The following LRPPRC variants were observed in gnomAD, a reference collection of about 807,000 sequenced individuals.
LRPPRC encodes the protein leucine rich pentatricopeptide repeat containing, also known as leucine-rich PPR motif-containing protein, mitochondrial.
Under a neutral mutation model 180.3 loss-of-function variants are expected in LRPPRC, and 120 were observed. The ratio of observed to expected loss-of-function variants is 0.67; its 90% CI spans 0.57 to 0.77. The LOEUF (loss-of-function observed/expected upper bound fraction) is 0.77, where lower values mean the gene tolerates loss of function less well. LRPPRC is among the 30% of genes least tolerant of loss of function. The pLI is 0.00. For synonymous variants in LRPPRC, 723 were observed against 600.0 expected (o/e 1.21, Z -3.00); for missense variants, 2,012 against 1,657.2 (o/e 1.21, Z -3.72).
At chr2:43,975,419 A>G (rs1436230334) in intron 6 of LRPPRC, among the ~76,000 whole-genome samples, 8 of 152,192 alleles carry the variant, frequency 5.3e-5, no homozygotes, top group Middle Eastern at 3.2e-3. Context: ...CCATTAAAAA[A>G]TAATAATAAT....
chr2:43,946,009 A>C, intron 21 of LRPPRC, 104 bp downstream of exon 21: 1 of 1,237,016 alleles, frequency 8.1e-7, no homozygotes, highest in South Asian at 1.3e-5. Context: ...AAGAATTTTT[A>C]AAAATGACAT....
rs76960115 is a variant in LRPPRC, at chr2:43,939,616, A to G, written c.2504+4071T>C. On this transcript the variant is annotated intron_variant, in intron 23 of 37. Coordinates refer to ENST00000260665, the MANE Select transcript of LRPPRC (RefSeq NM_133259.4). ...AAGAGAAACCATCATCTTCACAAAA[A>G]TTATTCTGTTAAGAGAACCAGCACT... Among the ~76,000 whole-genome samples the G allele has an allele frequency of 5.0e-3, 755 of 152,348 alleles. 13 individuals carry two copies. The highest frequency in any genetic ancestry group is 0.017 in the African/African-American group (718 of 41,590).
chr2:43,959,044 G>A (rs1267375130), intron 13 of LRPPRC: 2 of 543,926 alleles, frequency 3.7e-6, no homozygotes, highest in East Asian at 2.9e-5. Flanking sequence ...TATGAAGGCT[G>A]CTGACAAAAA....
intron 27 of LRPPRC, among the ~76,000 whole-genome samples, chr2:43,923,666 C>G (rs1671776082): frequency 6.6e-6 from 1 of 151,796 alleles, no homozygotes; most frequent in Non-Finnish European, 1.5e-5. Flanking sequence ...TCTGCAGTGC[C>G]TACCACAATG....
chr2:43,897,776 A>G (rs1670737816), intron 34 of LRPPRC, among the ~76,000 whole-genome samples: 1 of 152,140 alleles, frequency 6.6e-6, no homozygotes, highest in Admixed American at 6.5e-5. Flanking sequence ...GCGGCTGTCA[A>G]TTGTGCTCTT....
intron 1 of LRPPRC, among the ~76,000 whole-genome samples, chr2:43,982,915 G>C (rs1411666519): frequency 4.7e-5 from 7 of 149,662 alleles, no homozygotes; most frequent in African/African-American, 7.5e-5. Flanking sequence ...CCAATGTCCA[G>C]GCTAAAACGA....
At chr2:43,989,486 C>T (rs941534481) in intron 1 of LRPPRC, among the ~76,000 whole-genome samples, 11 of 152,198 alleles carry the variant, frequency 7.2e-5, no homozygotes, top group Non-Finnish European at 1.6e-4. Flanking sequence ...GTGACATGGA[C>T]ACTCTTCAGA....
chr2:43,891,592 CAAACTTGAG>C (rs1670494722), intron 36 of LRPPRC, among the ~76,000 whole-genome samples: 1 of 152,160 alleles, frequency 6.6e-6, no homozygotes, highest in Admixed American at 6.5e-5. Flanking sequence ...TGGAAGATGG[CAAACTTGAG>C]AAACGTGTTC....
intron 8 of LRPPRC, 139 bp downstream of exon 8, chr2:43,974,475 T>G: frequency 1.2e-6 from 1 of 803,558 alleles, no homozygotes. Flanking sequence ...ACTCATGTTT[T>G]TGGGCTTATT....
At chr2:43,934,364 A>G in intron 24 of LRPPRC, 68 bp from the exon 25 acceptor site, 1 of 732,220 alleles carries the variant, frequency 1.4e-6, no homozygotes, top group Non-Finnish European at 2.3e-6. Context: ...TATCATATGA[A>G]GTTCCAGACA....
At chr2:43,973,517 T>G in intron 11 of LRPPRC, 90 bp downstream of exon 11, 1 of 829,458 alleles carries the variant, frequency 1.2e-6, no homozygotes, top group South Asian at 1.4e-5. Context: ...GGAATAAGTA[T>G]GCTTTTCCAA....
intron 29 of LRPPRC, among the ~76,000 whole-genome samples, chr2:43,916,777 G>C (rs1671484061): frequency 6.6e-6 from 1 of 151,476 alleles, no homozygotes; most frequent in Non-Finnish European, 1.5e-5. Flanking sequence ...AACATAGCGA[G>C]ACCTTGTCAC....
intron 23 of LRPPRC, among the ~76,000 whole-genome samples, chr2:43,935,807 T>C (rs1672254609): frequency 6.6e-6 from 1 of 152,172 alleles, no homozygotes; most frequent in South Asian, 2.1e-4. Flanking sequence ...AATGTTAGTA[T>C]GAGAAATATT....
At chr2:43,898,124 G>T (rs1365959089) in intron 34 of LRPPRC, among the ~76,000 whole-genome samples, 1 of 97,568 alleles carries the variant, frequency 1.0e-5, no homozygotes, top group Non-Finnish European at 2.2e-5. Context: ...AGCAAAACAA[G>T]AAAATTCCCA....
chr2:43,966,096 C>G (rs1187805353), intron 11 of LRPPRC, among the ~76,000 whole-genome samples: 1 of 152,118 alleles, frequency 6.6e-6, no homozygotes, highest in Non-Finnish European at 1.5e-5. Context: ...GGCATATATA[C>G]ACATATAGAA....
At chr2:43,942,882 C>T (rs1672535458) in intron 23 of LRPPRC, among the ~76,000 whole-genome samples, 1 of 151,970 alleles carries the variant, frequency 6.6e-6, no homozygotes. Context: ...CGTATATCTT[C>T]CATTTTATTT....
chr2:43,993,061 G>C (rs1263599598), intron 1 of LRPPRC, among the ~76,000 whole-genome samples: 1 of 152,204 alleles, frequency 6.6e-6, no homozygotes, highest in African/African-American at 2.4e-5. Context: ...AAATCCTAAA[G>C]AGAAGAGAAC....
chr2:43,943,675 C>T lies in LRPPRC; in HGVS notation c.2504+12G>A. 3 of 1,605,494 alleles carry T rather than the reference C, an allele frequency of 1.9e-6. No individual in the cohort carries two copies. The highest frequency in any genetic ancestry group is 2.6e-6 in the Non-Finnish European group (3 of 1,172,238). ...ATGCCAACATTTAAAATTCAAAATT[C>T]AATTAACTTACTTTTCCAAGTGTAC... On this transcript the variant is annotated intron_variant, in intron 23 of 37. Coordinates refer to ENST00000260665, the MANE Select transcript of LRPPRC (RefSeq NM_133259.4).
Position 43,934,316 on chromosome 2 carries a change from A to G in LRPPRC, c.2630-20T>C, listed in dbSNP as rs773164861. On this transcript the variant is annotated intron_variant, in intron 24 of 37. Transcript: ENST00000260665. ...CCATTGCTAGGTAGGAGAGAAAAAA[A>G]TATATATATTAGGAGAAAAAAAAAC... 57 of 1,202,748 alleles carry G rather than the reference A, an allele frequency of 4.7e-5. No individual in the cohort carries two copies. The Admixed American group carries it at 9.5e-4, about 20-fold the overall frequency. The allele number at this position is 1,202,748 out of a possible 1,614,324, so 74.5% of individuals were successfully genotyped here.
Sources: gnomAD v4.1 joint callset for allele counts (sites outside exome capture counted in the v4.1 genomes callset) on GRCh38, gnomAD v4.1.1 for gene constraint, MANE v1.5 for transcripts, NCBI Gene and HGNC (gene_info 2026-07-23, HGNC 2026-07-21) for gene names.